The following ZNF592 variants were observed in gnomAD, a reference collection of about 807,000 sequenced individuals.
The protein encoded by ZNF592 is zinc finger protein 592, also known as spinocerebellar ataxia, autosomal recessive 5.
A neutral mutation model predicts 80.3 loss-of-function variants in ZNF592; 11 were observed. That is an observed-to-expected ratio of 0.14 (90% CI 0.09 to 0.23). The LOEUF (loss-of-function observed/expected upper bound fraction) is 0.23, where lower values mean the gene tolerates loss of function less well. Among genes scored for constraint, ZNF592 ranks in the 10% least tolerant of loss-of-function variants. The pLI, the probability that ZNF592 is intolerant of heterozygous loss-of-function variation, is 1.00. For missense variants in ZNF592, 1,420 were observed against 1,633.9 expected (o/e 0.87, Z 2.26); for synonymous variants, 646 against 640.3 (o/e 1.01, Z -0.13).
At position 84,799,963 on chromosome 15, in the gene ZNF592, G is replaced by A. The variant is rs768068244; in HGVS notation, c.3259G>A (p.Gly1087Arg). 5 of 1,614,100 alleles carry A rather than the reference G, an allele frequency of 3.1e-6. No individual in the cohort carries two copies. In the East Asian group the frequency reaches 1.1e-4, roughly 36 times the overall value. Residue 1087 changes from glycine (G) to arginine (R), a missense_variant, in exon 10 of 11, where the codon GGA (glycine) becomes AGA (arginine). Physicochemically the swap from Gly to Arg is moderately radical, Grantham distance 125. This residue lies in a region of ZNF592 where 331 missense variants were observed against 347.0 expected (regional missense o/e 0.95). Coordinates refer to ENST00000560079, the MANE Select transcript of ZNF592 (RefSeq NM_014630.3). The surrounding 1 kb of genome is among the most constrained non-coding windows in gnomAD (Gnocchi z 4.2). The part of the protein sequence containing the change: ...SQTSKVKPPG[G>R]HSPQVNHLKR... The stretch of plus-strand genomic sequence containing the variant: ...GACGTCCAAAGTGAAACCTCCGGGT[G>A]GACATTCCCCTCAGGTGAGTGTGGG...
intron 2 of ZNF592, among the ~76,000 whole-genome samples, chr15:84,769,637 G>A (rs1226520728): frequency 6.6e-6 from 1 of 152,100 alleles, no homozygotes; most frequent in Non-Finnish European, 1.5e-5. Flanking sequence ...GGAGATGGGG[G>A]CAGTGAGATC....
rs150321458 is a variant in ZNF592, at chr15:84,804,740, G to A, written c.*2347G>A. On this transcript the variant is annotated 3_prime_UTR_variant, in exon 11 of 11. Coordinates refer to ENST00000560079, the MANE Select transcript of ZNF592 (RefSeq NM_014630.3). ...ACATTTTGTCTGCTGTTTGGACTTG[G>A]ATGCTGATTAGCAGTTATGAAGTGG... 5 of 152,348 alleles carry A rather than the reference G, an allele frequency of 3.3e-5. No individual in the cohort carries two copies. In the East Asian group the frequency reaches 9.6e-4, roughly 29 times the overall value. The allele number at this position is 152,348 out of a possible 1,614,324, so 9.4% of individuals were successfully genotyped here. A position where few individuals can be genotyped will look rare whatever the true frequency, so the allele number is the denominator to read the frequency against.
chr15:84,785,813 A>G (rs563220150), intron 4 of ZNF592, among the ~76,000 whole-genome samples: 26 of 151,834 alleles, frequency 1.7e-4, no homozygotes, highest in African/African-American at 6.0e-4. Flanking sequence ...CAGGAAAGCA[A>G]CTGTGCTTGT....
At chr15:84,763,313 C>T (rs891934203) in intron 1 of ZNF592, among the ~76,000 whole-genome samples, 9 of 152,318 alleles carry the variant, frequency 5.9e-5, no homozygotes, top group Middle Eastern at 3.4e-3. Flanking sequence ...AAGCCTGACA[C>T]TCAGGTTTGT....
intron 3 of ZNF592, among the ~76,000 whole-genome samples, chr15:84,781,693 C>A (rs1962425547): frequency 6.6e-6 from 1 of 152,152 alleles, no homozygotes; most frequent in African/African-American, 2.4e-5. Flanking sequence ...GAAGCAGATG[C>A]AGGACTTAAA....
intron 1 of ZNF592, among the ~76,000 whole-genome samples, chr15:84,761,104 C>G (rs979321692): frequency 6.6e-6 from 1 of 152,206 alleles, no homozygotes. Context: ...GCTGAGATTA[C>G]AGGCATGCGT....
At chr15:84,792,897 C>T (rs930922199) in intron 5 of ZNF592, among the ~76,000 whole-genome samples, 2 of 152,188 alleles carry the variant, frequency 1.3e-5, no homozygotes, top group African/African-American at 4.8e-5. Flanking sequence ...TGCTTGGCAG[C>T]ATCCCAGGCT....
rs745702820 is a variant in ZNF592 at position 84,802,395 on chromosome 15, C to T, written c.*2C>T. ...CACACACTGTCCCCTCAGGTGTGAC[C>T]GGAGACTTTGCAGTGTGCATGGTCA... On this transcript the variant is annotated 3_prime_UTR_variant, in exon 11 of 11. Coordinates refer to ENST00000560079, the MANE Select transcript of ZNF592 (RefSeq NM_014630.3). 15 of 1,613,162 alleles carry T rather than the reference C, an allele frequency of 9.3e-6. No individual in the cohort carries two copies. The East Asian group carries it at 1.1e-4, about 12-fold the overall frequency.
At chr15:84,768,003 A>G (rs1001169777) in intron 2 of ZNF592, among the ~76,000 whole-genome samples, 2 of 151,264 alleles carry the variant, frequency 1.3e-5, no homozygotes, top group African/African-American at 4.9e-5. Context: ...CAGCCTTTTG[A>G]GTAGCTGGGA....
In ZNF592 at chr15:84,783,095, G is replaced by C; in HGVS notation, c.420G>C (p.Gln140His). The change falls in exon 4 of 11, where the codon CAG (glutamine) becomes CAC (histidine). Residue 140 changes from glutamine to histidine, a missense_variant. Physicochemically the swap from Gln to His is conservative, Grantham distance 24 (BLOSUM62 0). This residue lies in a region of ZNF592 where 373 missense variants were observed against 355.5 expected (regional missense o/e 1.05). Transcript: ENST00000560079. This position sits in a 1 kb window ranked among gnomAD's most constrained non-coding sequence, Gnocchi z 5.0. ...CAGAGCCATTACCCACCTTCAACCA[G>C]TTCAGTCCAATCTCCAGCCCAGAAC... is the stretch of plus-strand genomic sequence containing the variant. ...PKSEPLPTFN[Q>H]FSPISSPEPE... The C allele has an allele frequency of 6.2e-7, 1 of 1,614,086 alleles. No homozygotes were observed. Among genetic ancestry groups the C allele is most frequent in the Non-Finnish European group, 8.5e-7 (1 of 1,180,030 alleles).
intron 3 of ZNF592, 144 bp downstream of exon 3, chr15:84,778,456 C>CGACGT (rs1962326890): frequency 6.5e-6 from 1 of 152,990 alleles, no homozygotes; most frequent in African/African-American, 2.4e-5. Context: ...CAGGTTGACA[C>CGACGT]GACGTTCTAC....
intron 1 of ZNF592, among the ~76,000 whole-genome samples, chr15:84,758,439 C>T (rs914962365): frequency 6.6e-6 from 1 of 151,934 alleles, no homozygotes; most frequent in Non-Finnish European, 1.5e-5. Flanking sequence ...TGCACCACCA[C>T]ACCAACTAAT....
At chr15:84,800,647 A>C (rs8037997) in intron 10 of ZNF592, among the ~76,000 whole-genome samples, 115,999 of 152,156 alleles carry the variant, frequency 0.76, 44,445 homozygotes, top group East Asian at 0.91. Flanking sequence ...TTGGCAAAGC[A>C]CCTTTCATGC....
At chr15:84,757,789 G>A (rs1338970577) in intron 1 of ZNF592, among the ~76,000 whole-genome samples, 5 of 150,786 alleles carry the variant, frequency 3.3e-5, no homozygotes, top group Non-Finnish European at 7.4e-5. Context: ...CTCCCAAGTA[G>A]CTGGGACTAC....
At chr15:84,790,576 A>C (rs1266129874) in intron 4 of ZNF592, 129 bp from the exon 5 acceptor site, 6 of 911,548 alleles carry the variant, frequency 6.6e-6, no homozygotes, top group Non-Finnish European at 1.1e-5. Context: ...TGTCCAGGAG[A>C]GTTGGAAGAG....
chr15:84,798,204 G>T lies in ZNF592; in HGVS notation c.2577-111G>T. The stretch of plus-strand genomic sequence containing the variant: ...CCTGAGGCAGGGGAGCATCCACATT[G>T]GCTCAGGGTAGTGCTTTCCCAAACT... On this transcript the variant is annotated intron_variant, in intron 6 of 10. Coordinates refer to ENST00000560079, the MANE Select transcript of ZNF592 (RefSeq NM_014630.3). The surrounding 1 kb of genome is among the most constrained non-coding windows in gnomAD (Gnocchi z 4.5). 1 of 1,579,070 alleles carries T rather than the reference G, an allele frequency of 6.3e-7. No homozygotes were observed. The highest frequency in any genetic ancestry group is 8.6e-7 in the Non-Finnish European group (1 of 1,156,334).
At chr15:84,801,748 T>G in intron 10 of ZNF592, 115 bp from the exon 11 acceptor site, 1 of 1,480,766 alleles carries the variant, frequency 6.8e-7, no homozygotes, top group South Asian at 1.2e-5. Flanking sequence ...CGTTCAGGGC[T>G]GGGGTGACCC....
chr15:84,799,988 G>T lies in ZNF592; in HGVS notation c.3273+11G>T. 6.2e-7 allele frequency: 1 copy of T among 1,614,132 alleles called. No individual in the cohort carries two copies. The highest frequency in any genetic ancestry group is 2.2e-5 in the East Asian group (1 of 44,876). On this transcript the variant is annotated intron_variant, in intron 10 of 10. Transcript: ENST00000560079. The surrounding 1 kb of genome is among the most constrained non-coding windows in gnomAD (Gnocchi z 4.2). Reference sequence around the variant, plus strand: ...GGACATTCCCCTCAGGTGAGTGTGGGCTCCCTGCCTATTGGAGCTGGCTGC... The same window carrying T: ...GGACATTCCCCTCAGGTGAGTGTGGTCTCCCTGCCTATTGGAGCTGGCTGC...
chr15:84,797,842 C>T (rs1962963209), intron 5 of ZNF592, 27 bp from the exon 6 acceptor site: 6 of 1,614,006 alleles, frequency 3.7e-6, no homozygotes, highest in Admixed American at 1.7e-5. Context: ...ACTCCACCCA[C>T]ACTCACACTA....
Sources: allele counts gnomAD v4.1 joint callset (sites outside exome capture counted in the v4.1 genomes callset), GRCh38; gene constraint gnomAD v4.1.1; regional missense constraint gnomAD v4.1.1; non-coding constraint Gnocchi (gnomAD v3.1); transcripts MANE v1.5; gene names NCBI Gene and HGNC (gene_info 2026-07-23, HGNC 2026-07-21).